The following ARAP2 variants were observed in gnomAD, a reference collection of about 807,000 sequenced individuals.
The protein encoded by ARAP2 is ArfGAP with RhoGAP domain, ankyrin repeat and PH domain 2.
A neutral mutation model predicts 194.5 loss-of-function variants in ARAP2; 148 were observed. The ratio of observed to expected loss-of-function variants is 0.76; its 90% CI spans 0.67 to 0.87. The LOEUF (loss-of-function observed/expected upper bound fraction) is 0.87. Ranked by LOEUF, ARAP2 falls within the 40% of genes least tolerant of loss-of-function variation. The probability of loss-of-function intolerance (pLI) is 0.00; values close to 1 mark genes in which losing one functional copy is unlikely to be tolerated. For missense variants in ARAP2, 2,128 were observed against 1,989.7 expected (o/e 1.07, Z -1.32); for synonymous variants, 695 against 683.5 (o/e 1.02, Z -0.26).
chr4:36,050,066 G>A (rs1722416621), intron 3 of ARAP2, among the ~76,000 whole-genome samples: 1 of 152,120 alleles, frequency 6.6e-6, no homozygotes, highest in Non-Finnish European at 1.5e-5. Context: ...TTTTATAGTT[G>A]CATGATGACT....
intron 5 of ARAP2, among the ~76,000 whole-genome samples, chr4:36,040,479 G>C (rs1467310242): frequency 6.6e-6 from 1 of 152,108 alleles, no homozygotes; most frequent in African/African-American, 2.4e-5. Context: ...CATGAGCATA[G>C]GATGTTTTTT....
chr4:36,155,668 T>A (rs1271004872), intron 15 of ARAP2, among the ~76,000 whole-genome samples: 1 of 151,472 alleles, frequency 6.6e-6, no homozygotes. Context: ...TTTTTATTTT[T>A]AATTTTTTTT....
At chr4:36,227,924 G>A (rs1008980235) in intron 2 of ARAP2, among the ~76,000 whole-genome samples, 2 of 152,092 alleles carry the variant, frequency 1.3e-5, no homozygotes, top group African/African-American at 2.4e-5. Context: ...TGTGACCTCA[G>A]GATACCAATG....
At chr4:36,077,529 G>A (rs999027254) in intron 31 of ARAP2, among the ~76,000 whole-genome samples, 38 of 152,076 alleles carry the variant, frequency 2.5e-4, no homozygotes, top group African/African-American at 6.7e-4. Flanking sequence ...CACAGACAAC[G>A]TAGTCACTTC....
chr4:36,145,663 A>G (rs1309202745), intron 19 of ARAP2, among the ~76,000 whole-genome samples: 1 of 151,940 alleles, frequency 6.6e-6, no homozygotes, highest in Non-Finnish European at 1.5e-5. Context: ...ACATATGTAG[A>G]TATGTGCCCC....
At chr4:36,062,704 T>C (rs2109279833), downstream of ARAP2, among the ~76,000 whole-genome samples, 1 of 152,086 alleles carries the variant, frequency 6.6e-6, no homozygotes, top group Non-Finnish European at 1.5e-5. Context: ...TTAACATTCC[T>C]ACTTCTCAGA....
intron 5 of ARAP2, among the ~76,000 whole-genome samples, chr4:36,039,958 C>CT (rs939568761): frequency 1.3e-5 from 2 of 152,018 alleles, no homozygotes; most frequent in African/African-American, 4.8e-5. Context: ...AGGAAATAAA[C>CT]TTTTTTAGTT....
chr4:36,181,403 T>A (rs7655093), intron 8 of ARAP2, among the ~76,000 whole-genome samples: 124,749 of 145,800 alleles, frequency 0.86, 53,081 homozygotes, highest in East Asian at 1. Context: ...GTATAAGAAT[T>A]AAAAAAAAAA....
chr4:36,027,510 A>C (rs1319124425), intron 5 of ARAP2, among the ~76,000 whole-genome samples: 1 of 151,822 alleles, frequency 6.6e-6, no homozygotes, highest in African/African-American at 2.4e-5. Context: ...GCAATCGCTG[A>C]CACTCAAATC....
At chr4:36,144,296 G>A (rs1729082093) in intron 19 of ARAP2, among the ~76,000 whole-genome samples, 1 of 151,758 alleles carries the variant, frequency 6.6e-6, no homozygotes, top group Admixed American at 6.6e-5. Flanking sequence ...AGTTTGAATT[G>A]TTTACCTTTT....
At chr4:36,145,293 G>T (rs1729382092) in intron 19 of ARAP2, among the ~76,000 whole-genome samples, 2 of 151,950 alleles carry the variant, frequency 1.3e-5, no homozygotes, top group Non-Finnish European at 2.9e-5. Flanking sequence ...GCCGATCAGT[G>T]GTTGACGGGC....
chr4:36,008,577 A>G (rs1713795369), intron 9 of ARAP2, among the ~76,000 whole-genome samples: 1 of 152,158 alleles, frequency 6.6e-6, no homozygotes, highest in Admixed American at 6.5e-5. Context: ...GTAAAACCTC[A>G]AACTATAAAA....
chr4:36,039,026 T>C (rs1014269592), intron 5 of ARAP2, among the ~76,000 whole-genome samples: 1 of 152,184 alleles, frequency 6.6e-6, no homozygotes, highest in South Asian at 2.1e-4. Context: ...TAAATAATTA[T>C]CATTTCTTTT....
At chr4:36,084,323 A>G (rs970305321) in intron 28 of ARAP2, among the ~76,000 whole-genome samples, 1 of 152,082 alleles carries the variant, frequency 6.6e-6, no homozygotes, top group Non-Finnish European at 1.5e-5. Flanking sequence ...TGCATATGCC[A>G]TATGTTTTGT....
intron 2 of ARAP2, among the ~76,000 whole-genome samples, chr4:36,221,960 C>T (rs1347682090): frequency 6.6e-6 from 1 of 152,074 alleles, no homozygotes; most frequent in Non-Finnish European, 1.5e-5. Context: ...CAGCGCAAGT[C>T]CCACAGCTAA....
intron 32 of ARAP2, among the ~76,000 whole-genome samples, chr4:36,073,462 A>C (rs1727507954): frequency 6.6e-6 from 1 of 152,168 alleles, no homozygotes. Flanking sequence ...TAGAGGTAAG[A>C]AAATAAGTAG....
At chr4:36,203,993 CA>C (rs1744999468) in intron 6 of ARAP2, among the ~76,000 whole-genome samples, 1 of 151,798 alleles carries the variant, frequency 6.6e-6, no homozygotes, top group Non-Finnish European at 1.5e-5. Context: ...AAAGAACAGT[CA>C]AAAGAACATG....
At chr4:36,197,273 C>T (rs572248735) in intron 6 of ARAP2, among the ~76,000 whole-genome samples, 1 of 152,186 alleles carries the variant, frequency 6.6e-6, no homozygotes, top group East Asian at 1.9e-4. Context: ...ATTTCTGTTT[C>T]GTTCATCAAT....
intron 15 of ARAP2, 111 bp downstream of exon 15, chr4:36,158,619 T>A: frequency 1.1e-6 from 1 of 896,650 alleles, no homozygotes; most frequent in Non-Finnish European, 1.7e-6. Flanking sequence ...AAAATATCTC[T>A]ACTTGGAGAT....
Sources: allele counts gnomAD v4.1 joint callset (sites outside exome capture counted in the v4.1 genomes callset), GRCh38; gene constraint gnomAD v4.1.1; transcripts MANE v1.5; gene names NCBI Gene and HGNC (gene_info 2026-07-23, HGNC 2026-07-21).